The following UBE2W variants were observed in gnomAD, a reference collection of about 807,000 sequenced individuals.
The protein encoded by UBE2W is ubiquitin-conjugating enzyme E2 W.
A neutral mutation model predicts 27.2 loss-of-function variants in UBE2W; 18 were observed. That is an observed-to-expected ratio of 0.66 (90% CI 0.46 to 0.98). UBE2W has a LOEUF of 0.98. UBE2W is among the 50% of genes least tolerant of loss of function. The probability of loss-of-function intolerance (pLI) is 0.00; values close to 1 mark genes in which losing one functional copy is unlikely to be tolerated. For missense variants in UBE2W, 90 were observed against 180.2 expected, an observed-to-expected ratio of 0.50 and a Z score of 2.87; for synonymous variants, 53 against 57.2, an observed-to-expected ratio of 0.93 and a Z score of 0.33.
At chr8:73,782,647 G>C (rs1304312451), downstream of UBE2W, among the ~76,000 whole-genome samples, 1 of 152,044 alleles carries the variant, frequency 6.6e-6, no homozygotes, top group Non-Finnish European at 1.5e-5. Context: ...TTGCTTATCT[G>C]TTCACCTATT....
intron 2 of UBE2W, among the ~76,000 whole-genome samples, chr8:73,827,454 T>G (rs181056093): frequency 6.9e-4 from 105 of 152,294 alleles, no homozygotes; most frequent in African/African-American, 2.4e-3. Context: ...ACTCGGGTGA[T>G]CTGCCCGCCT....
chr8:73,798,669 G>C (rs893548679), intron 5 of UBE2W, among the ~76,000 whole-genome samples: 1 of 152,108 alleles, frequency 6.6e-6, no homozygotes, highest in African/African-American at 2.4e-5. Context: ...ACTTTAGTTG[G>C]CTACTTCACT....
Position 73,793,822 on chromosome 8 carries a change from A to C in UBE2W, c.*280T>G. On this transcript the variant is annotated 3_prime_UTR_variant, in exon 6 of 6. Coordinates refer to ENST00000602593, the MANE Select transcript of UBE2W (RefSeq NM_018299.6). ...ATACATGAGGACCTGGAGCTTTTCCAAAAGCTTAAAAAAATAAAAATAAAA... is the reference window on the plus strand; with the variant it reads ...ATACATGAGGACCTGGAGCTTTTCCCAAAGCTTAAAAAAATAAAAATAAAA... 1.8e-6 allele frequency: 2 copies of C among 1,140,754 alleles called. No individual in the cohort carries two copies. Among genetic ancestry groups the C allele is most frequent in the Non-Finnish European group, 2.2e-6 (2 of 928,048 alleles). The allele number at this position is 1,140,754 out of a possible 1,614,324, so 70.7% of individuals were successfully genotyped here.
chr8:73,867,534 A>C (rs1360039368), intron 1 of UBE2W, among the ~76,000 whole-genome samples: 2 of 151,816 alleles, frequency 1.3e-5, no homozygotes, highest in African/African-American at 4.8e-5. Context: ...ACTCTGTCTC[A>C]AAAAAACAAA....
intron 3 of UBE2W, among the ~76,000 whole-genome samples, chr8:73,824,337 T>C (rs1452256642): frequency 6.6e-6 from 1 of 152,244 alleles, no homozygotes; most frequent in Non-Finnish European, 1.5e-5. Flanking sequence ...CAAATTATAA[T>C]AATCAGACTT....
intron 5 of UBE2W, among the ~76,000 whole-genome samples, chr8:73,794,613 GTTT>G (rs1208869409): frequency 6.6e-6 from 1 of 152,012 alleles, no homozygotes; most frequent in African/African-American, 2.4e-5. Context: ...TAGAAAATAA[GTTT>G]TCAGGCCGGA....
At chr8:73,866,829 C>G (rs151300787) in intron 1 of UBE2W, among the ~76,000 whole-genome samples, 1 of 151,814 alleles carries the variant, frequency 6.6e-6, no homozygotes, top group African/African-American at 2.4e-5. Flanking sequence ...GTGGGCAGAT[C>G]ACAAGGTCAG....
Position 73,841,453 on chromosome 8 carries a change from T to A in UBE2W, c.16-10981A>T, listed in dbSNP as rs542053969. Among the ~76,000 whole-genome samples the A allele has an allele frequency of 4.4e-4, 67 of 152,300 alleles. 1 individual carries two copies. The highest frequency in any genetic ancestry group is 3.4e-3 in the Admixed American group (52 of 15,300). On this transcript the variant is annotated intron_variant, in intron 1 of 5. Transcript: ENST00000602593. ...CATTCTTAGTTTAAGCTAAACTTTT[T>A]AAAATTCTGACAAATGAAAAAGTGT...
chr8:73,857,439 G>A (rs564628492), intron 1 of UBE2W, among the ~76,000 whole-genome samples: 235 of 125,186 alleles, frequency 1.9e-3, no homozygotes, highest in Non-Finnish European at 3.4e-3. Context: ...ATATAATAAT[G>A]TATTATAAAA....
chr8:73,793,018 A>AT lies in UBE2W; in HGVS notation c.*1083_*1084insA. The AT allele has an allele frequency of 1.0e-6, 1 of 985,558 alleles. No homozygotes were observed. Among genetic ancestry groups the AT allele is most frequent in the Non-Finnish European group, 1.2e-6 (1 of 829,614 alleles). The allele number at this position is 985,558 out of a possible 1,614,324, so 61.1% of individuals were successfully genotyped here. On this transcript the variant is annotated 3_prime_UTR_variant, in exon 6 of 6. Transcript: ENST00000602593. ...ATTTTAGGGTACAGGATTAAAGGAC[A>AT]AGATGATACTCACAAGTAAAGAAAA... is the stretch of plus-strand genomic sequence containing the variant.
chr8:73,866,286 A>ATAT (rs1452402909), intron 1 of UBE2W, among the ~76,000 whole-genome samples: 31 of 89,708 alleles, frequency 3.5e-4, no homozygotes, highest in East Asian at 1.3e-3. Flanking sequence ...AAAAAAAAAA[A>ATAT]AAAAATATAT....
chr8:73,787,856 C>T lies in UBE2W; in HGVS notation c.*6246G>A. Reference sequence around the variant, plus strand: ...AAGCAAGTGCCTGGGTCTCCATTTCCATCTTCACTGAAAACACTCAGTCTT... The same window carrying T: ...AAGCAAGTGCCTGGGTCTCCATTTCTATCTTCACTGAAAACACTCAGTCTT... On this transcript the variant is annotated 3_prime_UTR_variant, in exon 6 of 6. Coordinates refer to ENST00000602593, the MANE Select transcript of UBE2W (RefSeq NM_018299.6). 1 of 985,406 alleles carries T rather than the reference C, an allele frequency of 1.0e-6. No individual in the cohort carries two copies. 61.0% of individuals were successfully genotyped at this position (985,406 alleles called of 1,614,324 possible).
chr8:73,783,841 C>T (rs1807888155), downstream of UBE2W, among the ~76,000 whole-genome samples: 1 of 152,186 alleles, frequency 6.6e-6, no homozygotes, highest in Non-Finnish European at 1.5e-5. Context: ...GGGCTCACTG[C>T]AACCTCCGTC....
rs1808011382 is a variant in UBE2W at position 73,787,651 on chromosome 8, CAG to C, written c.*6449_*6450del. On this transcript the variant is annotated 3_prime_UTR_variant, in exon 6 of 6. Coordinates refer to ENST00000602593, the MANE Select transcript of UBE2W (RefSeq NM_018299.6). ...ATTTAATTCCTCCTGTCAGGAATAA[CAG>C]ATGCTGAGATAGCCCCTTCTTGTGG... 1 of 985,312 alleles carries C rather than the reference CAG, an allele frequency of 1.0e-6. No homozygotes were observed. The highest frequency in any genetic ancestry group is 1.2e-6 in the Non-Finnish European group (1 of 829,944). The allele number at this position is 985,312 out of a possible 1,614,324, so 61.0% of individuals were successfully genotyped here.
chr8:73,863,421 A>C (rs13262576), intron 1 of UBE2W, among the ~76,000 whole-genome samples: 17,565 of 142,192 alleles, frequency 0.12, 1,226 homozygotes, highest in Middle Eastern at 0.19. Flanking sequence ...CACTCTGGGG[A>C]CTGTGGTGGG....
At chr8:73,816,820 G>T (rs1181882995) in intron 3 of UBE2W, among the ~76,000 whole-genome samples, 1 of 152,314 alleles carries the variant, frequency 6.6e-6, no homozygotes, top group East Asian at 1.9e-4. Context: ...ATCACTGGGG[G>T]GTTAGGAGTT....
rs1426094945 is a variant in UBE2W at position 73,792,757 on chromosome 8, C to T, written c.*1345G>A. 2.0e-6 allele frequency: 2 copies of T among 985,386 alleles called. No homozygotes were observed. Among genetic ancestry groups the T allele is most frequent in the Non-Finnish European group, 2.4e-6 (2 of 829,656 alleles). 61.0% of individuals were successfully genotyped at this position (985,386 alleles called of 1,614,324 possible). ...AAGAACTTAGTTGTAGTATCATTAA[C>T]TCACATGGTACTGAGAACTGGACCT... On this transcript the variant is annotated 3_prime_UTR_variant, in exon 6 of 6. Transcript: ENST00000602593.
chr8:73,822,127 T>C (rs1195813275), intron 3 of UBE2W, among the ~76,000 whole-genome samples: 2 of 152,262 alleles, frequency 1.3e-5, no homozygotes, highest in East Asian at 3.9e-4. Flanking sequence ...TGCTAGCCCA[T>C]GCTCCAATGT....
chr8:73,814,900 G>A (rs1243970680), intron 3 of UBE2W, among the ~76,000 whole-genome samples: 3 of 152,166 alleles, frequency 2.0e-5, no homozygotes, highest in Admixed American at 6.5e-5. Context: ...TGAGAGCTAA[G>A]AGAGAAATAA....
Sources: allele counts gnomAD v4.1 joint callset (sites outside exome capture counted in the v4.1 genomes callset), GRCh38; gene constraint gnomAD v4.1.1; transcripts MANE v1.5; gene names NCBI Gene and HGNC (gene_info 2026-07-23, HGNC 2026-07-21).